PAICS: variants seen among roughly 807,000 people sequenced by gnomAD.
PAICS encodes the protein phosphoribosylaminoimidazole carboxylase and phosphoribosylaminoimidazolesuccinocarboxamide synthase.
Under a neutral mutation model 53.7 loss-of-function variants are expected in PAICS, and 33 were observed. The observed-to-expected ratio is 0.61, with a 90% CI of 0.47 to 0.82. The LOEUF is 0.82. PAICS is among the 40% of genes least tolerant of loss of function. The probability of loss-of-function intolerance (pLI) is 0.00; values close to 1 mark genes in which losing one functional copy is unlikely to be tolerated. For missense variants in PAICS, 394 were observed against 494.1 expected, an observed-to-expected ratio of 0.80 and a Z score of 1.92; for synonymous variants, 141 against 167.2, an observed-to-expected ratio of 0.84 and a Z score of 1.21.
chr4:56,418,072 C>T, the PAICS span, among the ~76,000 whole-genome samples: 1 of 151,966 alleles, frequency 6.6e-6, no homozygotes, highest in Non-Finnish European at 1.5e-5. Flanking sequence ...CTCCTGACCT[C>T]GTGATCCTCC....
chr4:56,412,849 A>G, the PAICS span, among the ~76,000 whole-genome samples: 1 of 152,292 alleles, frequency 6.6e-6, no homozygotes, highest in African/African-American at 2.4e-5. Flanking sequence ...TATACTTTCC[A>G]CAATACCACT....
chr4:56,419,356 GA>G, the PAICS span, among the ~76,000 whole-genome samples: 3 of 151,044 alleles, frequency 2.0e-5, no homozygotes, highest in Admixed American at 6.6e-5. Flanking sequence ...GTATGGAAGA[GA>G]AAAAAAAGGT....
At chr4:56,436,535 A>G in intron 1 of PAICS, 1 of 710,902 alleles carries the variant, frequency 1.4e-6, no homozygotes, top group Non-Finnish European at 2.6e-6. Context: ...AGTAGAGGAG[A>G]ACGAGAAATG....
chr4:56,437,256 G>GGTGTGTGTGTGTGTGTGTGT (rs57161391), intron 1 of PAICS, among the ~76,000 whole-genome samples: 10 of 124,308 alleles, frequency 8.0e-5, no homozygotes, highest in African/African-American at 1.9e-4. Flanking sequence ...ATGCCATGAT[G>GGTGTGTGTGTGTGTGTGTGT]GTGTGTGTGT....
At chr4:56,448,849 T>C in intron 5 of PAICS, 26 bp downstream of exon 5, 1 of 1,242,798 alleles carries the variant, frequency 8.0e-7, no homozygotes, top group Non-Finnish European at 1.2e-6. Context: ...GGTTTTTTTA[T>C]CCTTTTTGAG....
upstream of PAICS, among the ~76,000 whole-genome samples, chr4:56,434,349 C>T (rs1250907941): frequency 1.3e-5 from 2 of 152,166 alleles, no homozygotes; most frequent in Non-Finnish European, 2.9e-5. Flanking sequence ...TTTGCTGTTA[C>T]GTGTTATTGC....
chr4:56,449,448 A>G (rs965827113), intron 5 of PAICS, among the ~76,000 whole-genome samples: 1 of 152,308 alleles, frequency 6.6e-6, no homozygotes, highest in Non-Finnish European at 1.5e-5. Flanking sequence ...CCATTGTGGA[A>G]GACAGTGTGG....
At chr4:56,435,744 G>T (rs1429165413), upstream of PAICS, 22 of 1,486,266 alleles carry the variant, frequency 1.5e-5, no homozygotes, top group Non-Finnish European at 2.0e-5. Flanking sequence ...ATGCTGTAGG[G>T]TGGAGCTAGC....
At chr4:56,450,827 G>T in intron 6 of PAICS, 125 bp downstream of exon 6, 1 of 621,524 alleles carries the variant, frequency 1.6e-6, no homozygotes, top group Non-Finnish European at 2.9e-6. Flanking sequence ...TTTTGTTGTT[G>T]TTTTTTTTGA....
chr4:56,445,236 A>G (rs2110086198), intron 2 of PAICS, among the ~76,000 whole-genome samples: 1 of 152,252 alleles, frequency 6.6e-6, no homozygotes, highest in African/African-American at 2.4e-5. Context: ...AAATGGCTAC[A>G]TGACCTAGTG....
intron 1 of PAICS, 196 bp downstream of exon 1, chr4:56,436,524 A>T: frequency 1.4e-6 from 1 of 712,928 alleles, no homozygotes; most frequent in South Asian, 1.5e-5. Flanking sequence ...AGAAGGAGCA[A>T]AGTAGAGGAG....
chr4:56,419,552 C>G, the PAICS span: 1 of 439,232 alleles, frequency 2.3e-6, no homozygotes, highest in African/African-American at 2.1e-5. Context: ...ATGTTGCATC[C>G]AATTATTTAC....
chr4:56,435,893 CT>C (rs780726261), upstream of PAICS: 12 of 1,484,918 alleles, frequency 8.1e-6, no homozygotes, highest in East Asian at 3.5e-4. Flanking sequence ...TTCATATGCC[CT>C]TCCCTGCATG....
At chr4:56,425,610 A>G in the PAICS span, among the ~76,000 whole-genome samples, 2 of 152,222 alleles carry the variant, frequency 1.3e-5, no homozygotes, top group Non-Finnish European at 2.9e-5. Flanking sequence ...GGCACAAAGC[A>G]TCAACAACCT....
At chr4:56,436,391 C>T in intron 1 of PAICS, 63 bp downstream of exon 1, 3 of 1,276,926 alleles carry the variant, frequency 2.3e-6, no homozygotes, top group South Asian at 1.3e-5. Flanking sequence ...AGCTCGCGGC[C>T]ACGTGCGAGC....
chr4:56,431,150 A>G (rs1445679182), upstream of PAICS, among the ~76,000 whole-genome samples: 1 of 152,210 alleles, frequency 6.6e-6, no homozygotes, highest in Admixed American at 6.5e-5. Context: ...ACTCAGATAA[A>G]GGTTATAGAT....
At chr4:56,441,334 A>G (rs1386323264) in intron 1 of PAICS, among the ~76,000 whole-genome samples, 1 of 152,234 alleles carries the variant, frequency 6.6e-6, no homozygotes, top group Non-Finnish European at 1.5e-5. Context: ...GCAGGTTAAT[A>G]GTGGAAAGAG....
Position 56,461,037 on chromosome 4 carries a change from C to G in PAICS, c.*1499C>G, listed in dbSNP as rs1011181722. The G allele has an allele frequency of 2.0e-5, 3 of 152,172 alleles. No individual in the cohort carries two copies. Among genetic ancestry groups the G allele is most frequent in the Admixed American group, 1.3e-4 (2 of 15,276 alleles). The allele number at this position is 152,172 out of a possible 1,614,324, so 9.4% of individuals were successfully genotyped here. ...AACTCATTTTCCTCGTAATTTTGGACTGCCACACATTGGTACCTTTAGTTC... is the reference window on the plus strand; with the variant it reads ...AACTCATTTTCCTCGTAATTTTGGAGTGCCACACATTGGTACCTTTAGTTC... On this transcript the variant is annotated 3_prime_UTR_variant, in exon 9 of 9. Coordinates refer to ENST00000512576, the MANE Select transcript of PAICS (RefSeq NM_001079524.2).
chr4:56,436,157 C>A, upstream of PAICS: 3 of 1,493,194 alleles, frequency 2.0e-6, no homozygotes, highest in Non-Finnish European at 2.7e-6. Flanking sequence ...CCATACCCCT[C>A]CGGGTTAGGC....
Sources: gnomAD v4.1 joint callset for allele counts (sites outside exome capture counted in the v4.1 genomes callset) on GRCh38, gnomAD v4.1.1 for gene constraint, MANE v1.5 for transcripts, NCBI Gene and HGNC (gene_info 2026-07-23, HGNC 2026-07-21) for gene names.